ZNF804B: variants seen among roughly 807,000 people sequenced by gnomAD.
ZNF804B encodes the protein zinc finger protein 804B.
Under a neutral mutation model 101.4 loss-of-function variants are expected in ZNF804B, and 80 were observed. That is an observed-to-expected ratio of 0.79 (90% confidence interval 0.66 to 0.95). The LOEUF is 0.95. Ranked by LOEUF, ZNF804B falls within the 40% of genes least tolerant of loss-of-function variation. The pLI is 0.00. For missense variants in ZNF804B, 1,673 were observed against 1,561.9 expected (o/e 1.07, Z -1.20); for synonymous variants, 622 against 558.8 (o/e 1.11, Z -1.59).
intron 1 of ZNF804B, among the ~76,000 whole-genome samples, chr7:88,918,413 A>G (rs564748796): frequency 6.6e-6 from 1 of 152,268 alleles, no homozygotes; most frequent in Admixed American, 6.5e-5. Context: ...TGGTTCAAGG[A>G]ACATCTGTTA....
intron 1 of ZNF804B, among the ~76,000 whole-genome samples, chr7:88,919,175 G>A (rs763882307): frequency 2.6e-5 from 4 of 151,972 alleles, no homozygotes; most frequent in Non-Finnish European, 4.4e-5. Flanking sequence ...CCCTACTTGG[G>A]GTGTCTTGGA....
intron 1 of ZNF804B, among the ~76,000 whole-genome samples, chr7:88,854,414 C>CTTTCTTTCTTTCTTCCTTT (rs1791502231): frequency 7.0e-5 from 4 of 57,112 alleles, no homozygotes; most frequent in South Asian, 7.3e-4. Flanking sequence ...TTTCTTTCTT[C>CTTTCTTTCTTTCTTCCTTT]CTTTCTTTCT....
At chr7:89,015,465 T>G (rs1430380619) in intron 1 of ZNF804B, among the ~76,000 whole-genome samples, 1 of 152,074 alleles carries the variant, frequency 6.6e-6, no homozygotes, top group African/African-American at 2.4e-5. Flanking sequence ...TAGGTATATC[T>G]CTTAAAGCTA....
chr7:88,822,246 G>C (rs1185941294), intron 1 of ZNF804B, among the ~76,000 whole-genome samples: 1 of 152,104 alleles, frequency 6.6e-6, no homozygotes, highest in Non-Finnish European at 1.5e-5. Context: ...ATTTTTTTAA[G>C]TGAGAACCAA....
chr7:88,801,854 ATAGT>A (rs1054821597), intron 1 of ZNF804B, among the ~76,000 whole-genome samples: 3 of 152,282 alleles, frequency 2.0e-5, no homozygotes, highest in South Asian at 2.1e-4. Flanking sequence ...GGGAGGAAAA[ATAGT>A]TATTCACTGA....
At chr7:89,113,142 G>A (rs930639661) in intron 1 of ZNF804B, among the ~76,000 whole-genome samples, 3 of 152,152 alleles carry the variant, frequency 2.0e-5, no homozygotes, top group African/African-American at 7.2e-5. Context: ...AAATGTCAGA[G>A]GTGAAATAAA....
chr7:89,061,052 T>C (rs1005811188), intron 1 of ZNF804B, among the ~76,000 whole-genome samples: 5 of 152,162 alleles, frequency 3.3e-5, no homozygotes, highest in Non-Finnish European at 7.4e-5. Context: ...TATGTATTTA[T>C]ACATTTCACT....
intron 1 of ZNF804B, among the ~76,000 whole-genome samples, chr7:89,052,947 T>C (rs771549500): frequency 2.0e-5 from 3 of 152,174 alleles, no homozygotes; most frequent in Non-Finnish European, 2.9e-5. Flanking sequence ...GTAAAACTTG[T>C]CTGTATTCCT....
intron 3 of ZNF804B, among the ~76,000 whole-genome samples, chr7:89,331,229 C>A (rs186347576): frequency 5.2e-4 from 79 of 151,720 alleles, no homozygotes; most frequent in African/African-American, 1.9e-3. Flanking sequence ...GGAAAATAAT[C>A]TCTTTGGTAC....
intron 2 of ZNF804B, among the ~76,000 whole-genome samples, chr7:89,228,411 C>G (rs563911994): frequency 6.6e-6 from 1 of 152,184 alleles, no homozygotes; most frequent in Non-Finnish European, 1.5e-5. Flanking sequence ...TTTAGCAGGG[C>G]GCTGATTGGT....
At chr7:89,074,942 G>A (rs1185776005) in intron 1 of ZNF804B, among the ~76,000 whole-genome samples, 1 of 152,164 alleles carries the variant, frequency 6.6e-6, no homozygotes. Context: ...AAAGAGACTG[G>A]CAGCATTTTG....
chr7:89,043,286 C>T (rs909602064), intron 1 of ZNF804B, among the ~76,000 whole-genome samples: 4 of 152,242 alleles, frequency 2.6e-5, no homozygotes, highest in African/African-American at 7.2e-5. Context: ...ATGACTCAGT[C>T]GCATCACTTA....
At chr7:88,822,177 G>A (rs992021615) in intron 1 of ZNF804B, among the ~76,000 whole-genome samples, 1 of 152,080 alleles carries the variant, frequency 6.6e-6, no homozygotes, top group East Asian at 1.9e-4. Context: ...CAACTATATA[G>A]GAAAGATCTT....
chr7:89,210,537 C>T (rs551880064), intron 1 of ZNF804B, among the ~76,000 whole-genome samples: 8 of 152,208 alleles, frequency 5.3e-5, no homozygotes, highest in African/African-American at 1.9e-4. Flanking sequence ...TGTTGCTCTC[C>T]TCCCTGTGTC....
intron 1 of ZNF804B, among the ~76,000 whole-genome samples, chr7:88,809,714 T>C (rs947863400): frequency 2.0e-5 from 3 of 152,348 alleles, no homozygotes; most frequent in Middle Eastern, 3.4e-3. Context: ...ACACTTTTTA[T>C]TGACAGTATT....
chr7:88,883,470 T>C (rs1004675586), intron 1 of ZNF804B, among the ~76,000 whole-genome samples: 2 of 152,080 alleles, frequency 1.3e-5, no homozygotes, highest in Non-Finnish European at 2.9e-5. Context: ...CAATTATTGG[T>C]CCTGACTCAT....
chr7:89,222,314 A>C (rs950499300), intron 2 of ZNF804B, among the ~76,000 whole-genome samples: 21 of 151,782 alleles, frequency 1.4e-4, no homozygotes, highest in Non-Finnish European at 2.2e-4. Context: ...TTGCATTCTC[A>C]TTTCCACCAT....
At chr7:88,925,503 G>A (rs1792783631) in intron 1 of ZNF804B, among the ~76,000 whole-genome samples, 1 of 152,168 alleles carries the variant, frequency 6.6e-6, no homozygotes, top group Admixed American at 6.6e-5. Context: ...CACTAAAGAT[G>A]CATGTGTGCG....
chr7:89,026,307 C>A (rs1369918849), intron 1 of ZNF804B, among the ~76,000 whole-genome samples: 5 of 152,076 alleles, frequency 3.3e-5, no homozygotes, highest in Non-Finnish European at 7.4e-5. Flanking sequence ...ATGTAGGGGA[C>A]AATAGCTTAC....
Sources: allele counts gnomAD v4.1 joint callset (sites outside exome capture counted in the v4.1 genomes callset), GRCh38; gene constraint gnomAD v4.1.1; transcripts MANE v1.5; gene names NCBI Gene and HGNC (gene_info 2026-07-23, HGNC 2026-07-21).